The following SLC38A11 variants were observed in gnomAD, a reference collection of about 807,000 sequenced individuals.
SLC38A11 encodes solute carrier family 38 member 11.
A neutral mutation model predicts 49.4 loss-of-function variants in SLC38A11; 51 were observed. The observed-to-expected ratio is 1.03, with a 90% CI of 0.83 to 1.30. SLC38A11 has a LOEUF of 1.30. SLC38A11 is among the 50% of genes most tolerant of loss of function. The pLI, the probability that SLC38A11 is intolerant of heterozygous loss-of-function variation, is 0.00. For synonymous variants in SLC38A11, 203 were observed against 192.9 expected (o/e 1.05, Z -0.43); for missense variants, 574 against 556.2 (o/e 1.03, Z -0.32).
Position 164,937,435 on chromosome 2 carries a change from A to G in SLC38A11, c.538-6T>C, listed in dbSNP as rs776967002. 6.4e-7 allele frequency: 1 copy of G among 1,571,896 alleles called. No homozygotes were observed. The highest frequency in any genetic ancestry group is 8.7e-7 in the Non-Finnish European group (1 of 1,143,436). ...CCTGTAGAGATGAGGGAGACCTGTA[A>G]AAGAAAATACAAGGATATTGCCGGT... is the stretch of plus-strand genomic sequence containing the variant. On this transcript the variant is annotated splice_region_variant and splice_polypyrimidine_tract_variant and intron_variant, in intron 6 of 11. Coordinates refer to ENST00000685975, the MANE Select transcript of SLC38A11 (RefSeq NM_001351537.2).
Position 164,955,369 on chromosome 2 carries a change from G to T in SLC38A11, c.-122C>A. On this transcript the variant is annotated 5_prime_UTR_variant, in exon 1 of 12. Coordinates refer to ENST00000685975, the MANE Select transcript of SLC38A11 (RefSeq NM_001351537.2). ...CCGCGTGTAGCCGCAGAGCTGCAGG[G>T]AGCCAGTTCCACGGGCGCCCCCTGC... is the stretch of plus-strand genomic sequence containing the variant. The T allele has an allele frequency of 1.0e-6, 1 of 966,654 alleles. No homozygotes were observed. The highest frequency in any genetic ancestry group is 1.6e-6 in the Non-Finnish European group (1 of 632,468). The allele number at this position is 966,654 out of a possible 1,614,324, so 59.9% of individuals were successfully genotyped here.
intron 11 of SLC38A11, among the ~76,000 whole-genome samples, chr2:164,907,017 A>G (rs1468194206): frequency 3.2e-4 from 49 of 152,174 alleles, no homozygotes; most frequent in Non-Finnish European, 7.4e-5. Context: ...GTGCATGACC[A>G]ATAAGTGCTA....
intron 7 of SLC38A11, among the ~76,000 whole-genome samples, chr2:164,936,370 A>G (rs886456323): frequency 1.3e-5 from 2 of 152,152 alleles, no homozygotes; most frequent in Admixed American, 6.6e-5. Context: ...CAAAGCAACA[A>G]TTAATCAAGG....
intron 5 of SLC38A11, among the ~76,000 whole-genome samples, chr2:164,942,518 C>T (rs1227210414): frequency 1.3e-5 from 2 of 150,688 alleles, no homozygotes; most frequent in East Asian, 3.9e-4. Context: ...ACAAAGAAAA[C>T]CCCCCACAAA....
At chr2:164,900,474 C>CT (rs886532415) in intron 11 of SLC38A11, among the ~76,000 whole-genome samples, 2 of 151,994 alleles carry the variant, frequency 1.3e-5, no homozygotes, top group African/African-American at 4.8e-5. Flanking sequence ...TATTTCTGGT[C>CT]TTTTTGATCA....
chr2:164,907,177 T>C (rs771626188), intron 11 of SLC38A11, among the ~76,000 whole-genome samples: 1 of 151,892 alleles, frequency 6.6e-6, no homozygotes, highest in African/African-American at 2.4e-5. Flanking sequence ...CTGCCCCCTG[T>C]CTTCCCAATG....
chr2:164,899,188 G>T (rs1286141925), intron 11 of SLC38A11, among the ~76,000 whole-genome samples: 1 of 152,132 alleles, frequency 6.6e-6, no homozygotes, highest in Non-Finnish European at 1.5e-5. Context: ...CACAATGTCT[G>T]TCTTCTTTAC....
intron 2 of SLC38A11, 29 bp downstream of exon 2, chr2:164,954,602 A>G: frequency 8.0e-7 from 1 of 1,248,950 alleles, no homozygotes; most frequent in Non-Finnish European, 1.1e-6. Context: ...CCTTTCACTT[A>G]AAATTTAAAC....
At position 164,896,593 on chromosome 2, in the gene SLC38A11, A is replaced by T. The variant is rs2105436340; in HGVS notation, c.*1844T>A. 6.6e-6 allele frequency: 1 copy of T among 152,216 alleles called. No homozygotes were observed. The highest frequency in any genetic ancestry group is 1.5e-5 in the Non-Finnish European group (1 of 67,998). The allele number at this position is 152,216 out of a possible 1,614,324, so 9.4% of individuals were successfully genotyped here. ...AATGAAAGCATTTTTATTATATTTT[A>T]CCTAAACATGTACCAATCTAAAAAC... On this transcript the variant is annotated 3_prime_UTR_variant, in exon 12 of 12. Transcript: ENST00000685975.
chr2:164,945,631 A>C lies in SLC38A11; in HGVS notation c.326T>G (p.Leu109Arg), dbSNP rs759585833. 3 of 1,611,392 alleles carry C rather than the reference A, an allele frequency of 1.9e-6. No individual in the cohort carries two copies. The East Asian group carries it at 6.7e-5, about 36-fold the overall frequency. The change falls in exon 4 of 12, where the codon CTG (leucine) becomes CGG (arginine). Residue 109 changes from leucine (L) to arginine (R), a missense_variant. Transcript: ENST00000685975. ...CAAAAACTGAAGAACAGAGAGGAGC[A>C]GATACCCTGGAAAGCCGAAAGTTTT... ...VNKTFGFPGY[L>R]LLSVLQFLYP...
chr2:164,951,271 A>T (rs35812437), intron 3 of SLC38A11, among the ~76,000 whole-genome samples: 35,948 of 152,044 alleles, frequency 0.24, 4,821 homozygotes, highest in East Asian at 0.32. Context: ...ACTTAAATAA[A>T]CCATAGTGAT....
At chr2:164,910,143 G>T (rs924151357) in intron 10 of SLC38A11, among the ~76,000 whole-genome samples, 1 of 152,034 alleles carries the variant, frequency 6.6e-6, no homozygotes, top group East Asian at 1.9e-4. Flanking sequence ...GTAAGAGAAG[G>T]GAAAGTTATA....
At chr2:164,902,192 G>A (rs889887447) in intron 11 of SLC38A11, among the ~76,000 whole-genome samples, 1 of 151,646 alleles carries the variant, frequency 6.6e-6, no homozygotes, top group Non-Finnish European at 1.5e-5. Flanking sequence ...CCATGTCTGG[G>A]TAATTTTTTG....
chr2:164,924,888 C>T (rs1466017728), intron 7 of SLC38A11, among the ~76,000 whole-genome samples: 5 of 151,102 alleles, frequency 3.3e-5, no homozygotes, highest in Non-Finnish European at 5.9e-5. Flanking sequence ...GCACCAGCCA[C>T]CATGCCCGGC....
intron 7 of SLC38A11, among the ~76,000 whole-genome samples, chr2:164,926,129 C>T (rs1188935746): frequency 1.3e-5 from 2 of 152,154 alleles, no homozygotes; most frequent in East Asian, 3.9e-4. Context: ...TATAGATAGC[C>T]TCCTTCCAGG....
rs570642548 is a variant in SLC38A11 at position 164,895,900 on chromosome 2, G to T, written c.*2537C>A. ...ATGCTATCCAACTTATATCCTTAAA[G>T]GAAGTGTATTGCTAGATGTTCTCAT... On this transcript the variant is annotated 3_prime_UTR_variant, in exon 12 of 12. Coordinates refer to ENST00000685975, the MANE Select transcript of SLC38A11 (RefSeq NM_001351537.2). 6.6e-6 allele frequency: 1 copy of T among 152,288 alleles called. No individual in the cohort carries two copies. Among genetic ancestry groups the T allele is most frequent in the Non-Finnish European group, 1.5e-5 (1 of 68,026 alleles). The allele number at this position is 152,288 out of a possible 1,614,324, so 9.4% of individuals were successfully genotyped here.
At chr2:164,925,682 C>A (rs1327135638) in intron 7 of SLC38A11, among the ~76,000 whole-genome samples, 1 of 152,140 alleles carries the variant, frequency 6.6e-6, no homozygotes, top group Non-Finnish European at 1.5e-5. Context: ...GTCTCCCTAG[C>A]AGCGTATTCA....
chr2:164,951,714 T>C (rs1016455512), intron 3 of SLC38A11, among the ~76,000 whole-genome samples: 1 of 152,142 alleles, frequency 6.6e-6, no homozygotes. Context: ...CAGACATTCT[T>C]GGGCAAGGGG....
At chr2:164,937,614 C>A in intron 6 of SLC38A11, 185 bp from the exon 7 acceptor site, 1 of 508,210 alleles carries the variant, frequency 2.0e-6, no homozygotes, top group South Asian at 2.3e-5. Context: ...TCAGATCAGT[C>A]TTGGTTCCCC....
Sources: gnomAD v4.1 joint callset for allele counts (sites outside exome capture counted in the v4.1 genomes callset) on GRCh38, gnomAD v4.1.1 for gene constraint, MANE v1.5 for transcripts, NCBI Gene and HGNC (gene_info 2026-07-23, HGNC 2026-07-21) for gene names.